The following SYNE2 variants were observed in gnomAD, a reference collection of about 807,000 sequenced individuals.
SYNE2 encodes the protein spectrin repeat containing nuclear envelope protein 2.
In SYNE2, 431 loss-of-function variants were observed where a neutral mutation model predicts 856.3. That is an observed-to-expected ratio of 0.50 (90% confidence interval 0.47 to 0.55). The LOEUF is 0.55. SYNE2 is among the 20% of genes least tolerant of loss of function. SYNE2 has a pLI of 0.00. For synonymous variants in SYNE2, 2,923 were observed against 2,872.3 expected, an observed-to-expected ratio of 1.02 and a Z score of -0.56; for missense variants, 8,129 against 8,023.2, an observed-to-expected ratio of 1.01 and a Z score of -0.50.
chr14:63,857,404 T>C (rs1356864582), intron 1 of SYNE2, among the ~76,000 whole-genome samples: 1 of 152,200 alleles, frequency 6.6e-6, no homozygotes, highest in Non-Finnish European at 1.5e-5. Flanking sequence ...TTGTTTCTGG[T>C]TTTGGGCTAT....
At chr14:63,974,640 C>A (rs762697313) in intron 11 of SYNE2, among the ~76,000 whole-genome samples, 18 of 150,350 alleles carry the variant, frequency 1.2e-4, no homozygotes, top group African/African-American at 4.4e-4. Flanking sequence ...CTCACTGCAG[C>A]CTCCACCTCC....
At chr14:63,849,242 G>T (rs1351381068), upstream of SYNE2, among the ~76,000 whole-genome samples, 1 of 149,200 alleles carries the variant, frequency 6.7e-6, no homozygotes. Flanking sequence ...ATAACAAGGA[G>T]TGTTTAGCAC....
rs1172506632 is a variant in SYNE2, at chr14:64,003,167, G to C, written c.4234G>C (p.Glu1412Gln). 1 of 1,614,026 alleles carries C rather than the reference G, an allele frequency of 6.2e-7. No homozygotes were observed. Among genetic ancestry groups the C allele is most frequent in the African/African-American group, 1.3e-5 (1 of 74,914 alleles). ...TGATGCTTTTTCAATAAAGTTATCT[G>C]AGACACATGGCTATGGGGTACAGGA... ...LLDAFSIKLS[E>Q]THGYGVQEEF... is the part of the protein sequence containing the mutation. The change falls in exon 30 of 116, where the codon GAG becomes CAG. Residue 1412 changes from glutamate to glutamine, a missense_variant. Glu to Gln is a conservative substitution (Grantham distance 29, BLOSUM62 2). Around this residue, in one of 3 missense-constraint regions of SYNE2, gnomAD observed 2,422 missense variants for 2,357.4 expected, o/e 1.03. Coordinates refer to ENST00000555002, the MANE Select transcript of SYNE2 (RefSeq NM_182914.3).
Position 64,152,653 on chromosome 14 carries a change from G to A in SYNE2, c.15729G>A (p.Leu5243=). Residue 5243 remains leucine (L), a synonymous_variant, in exon 85 of 116, where the codon TTG becomes TTA. Coordinates refer to ENST00000555002, the MANE Select transcript of SYNE2 (RefSeq NM_182914.3). ...CTTTGGAGAGTGGGGCAGTGCCATT[G>A]TTAGAAGATACAGCATCCCGAATTG... The part of the protein sequence containing the change: ...YLTLESGAVP[L]LEDTASRIDE... 1.2e-6 allele frequency: 2 copies of A among 1,614,174 alleles called. No homozygotes were observed. Among genetic ancestry groups the A allele is most frequent in the Non-Finnish European group, 1.7e-6 (2 of 1,180,020 alleles).
rs1461495571 is a variant in SYNE2, at chr14:64,162,060, T to C, written c.16095-12T>C. ...GAGAATGAGGGTTATGTTATTTGCG[T>C]TGCACTGACAGGTGGACTCAGGTGA... On this transcript the variant is annotated splice_polypyrimidine_tract_variant and intron_variant, in intron 87 of 115. Coordinates refer to ENST00000555002, the MANE Select transcript of SYNE2 (RefSeq NM_182914.3). 6.2e-7 allele frequency: 1 copy of C among 1,614,158 alleles called. No individual in the cohort carries two copies. The highest frequency in any genetic ancestry group is 1.7e-5 in the Admixed American group (1 of 60,016).
At chr14:63,783,535 G>A (rs1039056880) in intron 1 of SYNE2, among the ~76,000 whole-genome samples, 4 of 152,052 alleles carry the variant, frequency 2.6e-5, no homozygotes, top group Admixed American at 6.6e-5. Flanking sequence ...ACGCCACGAC[G>A]GTCTCGGAGA....
intron 95 of SYNE2, 76 bp downstream of exon 95, chr14:64,175,214 G>C: frequency 6.4e-7 from 1 of 1,553,054 alleles, no homozygotes; most frequent in Non-Finnish European, 8.8e-7. Context: ...TGTGAAAATG[G>C]AAATGGTTTT....
intron 2 of SYNE2, among the ~76,000 whole-genome samples, chr14:63,926,450 C>T (rs2095667095): frequency 6.6e-6 from 1 of 152,122 alleles, no homozygotes; most frequent in Non-Finnish European, 1.5e-5. Context: ...CTGTAAAGGG[C>T]CAGGTAGTAA....
chr14:63,899,257 A>G (rs1454824215), intron 1 of SYNE2, among the ~76,000 whole-genome samples: 2 of 151,536 alleles, frequency 1.3e-5, no homozygotes, highest in Non-Finnish European at 2.9e-5. Flanking sequence ...AGTGGAGTGC[A>G]GTGTCACGAT....
At chr14:63,907,952 A>G (rs1454634465) in intron 1 of SYNE2, among the ~76,000 whole-genome samples, 1 of 152,218 alleles carries the variant, frequency 6.6e-6, no homozygotes, top group Non-Finnish European at 1.5e-5. Context: ...GAAATCTTTA[A>G]CAACAGTGAT....
At chr14:63,963,848 A>G (rs191909039) in intron 9 of SYNE2, 51 bp from the exon 10 acceptor site, 2 of 1,420,322 alleles carry the variant, frequency 1.4e-6, no homozygotes, top group East Asian at 2.4e-5. Context: ...TTTTGTTAAA[A>G]AAACCAAGCC....
At chr14:64,040,877 G>C (rs894601252) in intron 45 of SYNE2, among the ~76,000 whole-genome samples, 5 of 151,602 alleles carry the variant, frequency 3.3e-5, no homozygotes, top group Non-Finnish European at 5.9e-5. Context: ...AGAGAGCCTT[G>C]AACAGACTAA....
rs567372873 is a variant in SYNE2, at chr14:64,161,863, A to C, written c.16095-209A>C. On this transcript the variant is annotated intron_variant, in intron 87 of 115. Coordinates refer to ENST00000555002, the MANE Select transcript of SYNE2 (RefSeq NM_182914.3). ...TCATACATTTTGTAGTTTTTGTGCA[A>C]TATTATAAAGTCAAGTAAATAGCCT... 2.0e-5 allele frequency among the ~76,000 whole-genome samples: 3 copies of C among 152,286 alleles called. No homozygotes were observed. In the East Asian group the frequency reaches 5.8e-4, roughly 29 times the overall value.
intron 31 of SYNE2, among the ~76,000 whole-genome samples, 191 bp from the exon 32 acceptor site, chr14:64,009,775 T>A (rs2096829319): frequency 6.6e-6 from 1 of 152,166 alleles, no homozygotes; most frequent in Non-Finnish European, 1.5e-5. Context: ...ATCTAGAGAT[T>A]ATGCCATCTA....
At chr14:63,778,285 A>C (rs770307256) in intron 1 of SYNE2, among the ~76,000 whole-genome samples, 5 of 152,060 alleles carry the variant, frequency 3.3e-5, no homozygotes, top group Non-Finnish European at 7.4e-5. Context: ...CTGCAATTGT[A>C]AGTTTCCTGA....
In SYNE2 at chr14:64,219,096, G is replaced by GTTTTTTTTTTTTTTTTTTTTTTTTTTT; in HGVS notation, c.19658-105_19658-104insTTTTTTTTTTTTTTTTTTTTTTTTTTT. 2 of 758,460 alleles carry GTTTTTTTTTTTTTTTTTTTTTTTTTTT rather than the reference G, an allele frequency of 2.6e-6. 1 individual carries two copies. The highest frequency in any genetic ancestry group is 3.9e-6 in the Non-Finnish European group (2 of 519,162). The allele number at this position is 758,460 out of a possible 1,614,324, so 47.0% of individuals were successfully genotyped here. On this transcript the variant is annotated intron_variant, in intron 109 of 115. Transcript: ENST00000555002. ...CCTTCTGTCAGGGGAATCCCCTACAGTTTTTTTGTTTTTTTTTTTTTTTTT... is the reference window on the plus strand; with the variant it reads ...CCTTCTGTCAGGGGAATCCCCTACAGTTTTTTTTTTTTTTTTTTTTTTTTTTTTTTTTTTGTTTTTTTTTTTTTTTTT...
In SYNE2 at chr14:64,021,526, G is replaced by A. The variant is rs772647083; in HGVS notation, c.5352+11G>A. The A allele has an allele frequency of 1.1e-5, 18 of 1,613,846 alleles. No individual in the cohort carries two copies. The highest frequency in any genetic ancestry group is 1.4e-5 in the Non-Finnish European group (17 of 1,179,890). ...TTCACTAAACTAGAGGTGCTACCGA[G>A]CTGCTTGTCTTCTGTGGTTCAGATT... On this transcript the variant is annotated intron_variant, in intron 36 of 115. Transcript: ENST00000555002.
At chr14:63,820,510 T>A (rs1889174141) in intron 1 of SYNE2, among the ~76,000 whole-genome samples, 1 of 152,206 alleles carries the variant, frequency 6.6e-6, no homozygotes, top group Admixed American at 6.5e-5. Context: ...TTACATATGA[T>A]ATAAACAATT....
At chr14:64,035,320 C>T (rs376856961) in intron 45 of SYNE2, among the ~76,000 whole-genome samples, 1 of 151,574 alleles carries the variant, frequency 6.6e-6, no homozygotes, top group Non-Finnish European at 1.5e-5. Flanking sequence ...TAAATTATGT[C>T]TATTTCTGGT....
Sources: gnomAD v4.1 joint callset for allele counts (sites outside exome capture counted in the v4.1 genomes callset) on GRCh38, gnomAD v4.1.1 for gene constraint, gnomAD v4.1.1 regional missense constraint, MANE v1.5 for transcripts, NCBI Gene and HGNC (gene_info 2026-07-23, HGNC 2026-07-21) for gene names.